The following LCP2 variants were observed in gnomAD, a reference collection of about 807,000 sequenced individuals.
LCP2 encodes lymphocyte cytosolic protein 2, also known as 76 kDa tyrosine phosphoprotein.
Under a neutral mutation model 74.5 loss-of-function variants are expected in LCP2, and 29 were observed. That is an observed-to-expected ratio of 0.39 (90% CI 0.29 to 0.53). The LOEUF (loss-of-function observed/expected upper bound fraction) is 0.53. Among genes scored for constraint, LCP2 ranks in the 20% least tolerant of loss-of-function variants. LCP2 has a pLI of 0.72. For missense variants in LCP2, 604 were observed against 634.6 expected, an observed-to-expected ratio of 0.95 and a Z score of 0.52; for synonymous variants, 228 against 229.5, an observed-to-expected ratio of 0.99 and a Z score of 0.06.
chr5:170,275,037 G>T (rs551908537), intron 5 of LCP2, among the ~76,000 whole-genome samples: 17 of 151,304 alleles, frequency 1.1e-4, no homozygotes, highest in Non-Finnish European at 2.4e-4. Context: ...TGCTCACTCA[G>T]AGGTGGGGTC....
chr5:170,275,463 G>T, intron 4 of LCP2, 112 bp from the exon 5 acceptor site: 2 of 1,214,488 alleles, frequency 1.6e-6, no homozygotes, highest in Non-Finnish European at 2.4e-6. Context: ...ATGTCTCACT[G>T]CTCAAGAGAG....
Position 170,270,881 on chromosome 5 carries a change from C to T in LCP2, c.361G>A (p.Asp121Asn), listed in dbSNP as rs1242525391. 1 of 1,612,984 alleles carries T rather than the reference C, an allele frequency of 6.2e-7. No individual in the cohort carries two copies. The highest frequency in any genetic ancestry group is 8.5e-7 in the Non-Finnish European group (1 of 1,179,430). ...DDYESPNDDQ[D>N]GEDDGDYESP... ...TCATAGTCTCCATCATCCTCCCCAT[C>T]CTGGTCATCATTGGGACTTTCATAA... Residue 121 changes from aspartate (D) to asparagine (N), a missense_variant, in exon 7 of 21, where the codon GAT becomes AAT. Coordinates refer to ENST00000046794, the MANE Select transcript of LCP2 (RefSeq NM_005565.5).
At chr5:170,275,418 C>G (rs377221051) in intron 4 of LCP2, 67 bp from the exon 5 acceptor site, 17 of 1,576,836 alleles carry the variant, frequency 1.1e-5, no homozygotes, top group Non-Finnish European at 1.5e-5. Flanking sequence ...CTTTCCTCAA[C>G]CTGGTCCAGC....
rs1194524493 is a variant in LCP2, at chr5:170,289,601, TTC to T, written c.142-1587_142-1586del. Among the ~76,000 whole-genome samples the T allele has an allele frequency of 7.3e-3, 1,061 of 146,072 alleles. 15 individuals are homozygous for T. The highest frequency in any genetic ancestry group is 0.026 in the African/African-American group (1,002 of 38,284). ...CTTCTTAACTACTCCTTTTCTTTCT[TTC>T]TTTCTTTCTTTCTTTTTCTTTCTTT... On this transcript the variant is annotated intron_variant, in intron 2 of 20. Transcript: ENST00000046794.
chr5:170,250,775 C>A lies in LCP2; in HGVS notation c.1434G>T (p.Lys478Asn). The stretch of plus-strand genomic sequence containing the variant: ...TTCCCAACAAGTAAACTTGACTTTC[C>A]TTCTGATAACGGATCTGGATGTTGT... Reference protein sequence around the residue: ...KVYNIQIRYQKESQVYLLGTG... With the variant: ...KVYNIQIRYQNESQVYLLGTG... The change falls in exon 20 of 21, where the codon AAG (lysine) becomes AAT (asparagine). Residue 478 changes from lysine to asparagine, a missense_variant. By Grantham distance (94) the Lys-to-Asn change is moderately conservative (BLOSUM62 0). Coordinates refer to ENST00000046794, the MANE Select transcript of LCP2 (RefSeq NM_005565.5). 6.2e-7 allele frequency: 1 copy of A among 1,613,188 alleles called. No individual in the cohort carries two copies.
rs1762205021 is a variant in LCP2 at position 170,287,606 on chromosome 5, T to C, written c.188+364A>G. ...GGCTCTCATTTTACTGTGTGAGAAA[T>C]GGAGGTCAAGAAAACTTAAGCCATC... On this transcript the variant is annotated intron_variant, in intron 3 of 20. Coordinates refer to ENST00000046794, the MANE Select transcript of LCP2 (RefSeq NM_005565.5). 4 of 279,484 alleles carry C rather than the reference T, an allele frequency of 1.4e-5. No homozygotes were observed. The South Asian group carries it at 1.5e-4, about 10-fold the overall frequency. The allele number at this position is 279,484 out of a possible 1,614,324, so 17.3% of individuals were successfully genotyped here.
intron 4 of LCP2, chr5:170,275,590 G>A (rs1006782936): frequency 1.6e-6 from 1 of 643,394 alleles, no homozygotes; most frequent in Non-Finnish European, 2.7e-6. Context: ...TGTAGAGGAA[G>A]TTCCCCTGAT....
intron 10 of LCP2, among the ~76,000 whole-genome samples, chr5:170,266,603 C>T (rs936980360): frequency 1.3e-5 from 2 of 152,202 alleles, no homozygotes; most frequent in African/African-American, 2.4e-5. Flanking sequence ...GTCGCTACTC[C>T]CAACACTTGG....
At chr5:170,273,532 G>A (rs569026302) in intron 6 of LCP2, among the ~76,000 whole-genome samples, 1 of 152,320 alleles carries the variant, frequency 6.6e-6, no homozygotes, top group Admixed American at 6.5e-5. Flanking sequence ...GTGACTGAGG[G>A]TCTGGTTACC....
At chr5:170,249,834 T>G (rs1761392611) in intron 20 of LCP2, among the ~76,000 whole-genome samples, 1 of 152,206 alleles carries the variant, frequency 6.6e-6, no homozygotes, top group African/African-American at 2.4e-5. Context: ...ACTAATCTGC[T>G]AGGTGCCTCC....
rs115409619 is a variant in LCP2 at position 170,249,831 on chromosome 5, T to A, written c.1479+899A>T. 5.2e-3 allele frequency among the ~76,000 whole-genome samples: 796 copies of A among 152,312 alleles called. 11 individuals carry two copies. Among genetic ancestry groups the A allele is most frequent in the African/African-American group, 0.018 (755 of 41,570 alleles). ...TAATGCACTTCCTTTAAGACTAATC[T>A]GCTAGGTGCCTCCCTCCATGGGAGC... On this transcript the variant is annotated intron_variant, in intron 20 of 20. Coordinates refer to ENST00000046794, the MANE Select transcript of LCP2 (RefSeq NM_005565.5).
intron 1 of LCP2, among the ~76,000 whole-genome samples, chr5:170,296,140 C>T (rs186937536): frequency 1.3e-5 from 2 of 152,298 alleles, no homozygotes; most frequent in East Asian, 3.9e-4. Flanking sequence ...TTTATTCCCT[C>T]TTGGCAAATT....
At chr5:170,270,983 C>T in intron 6 of LCP2, 66 bp from the exon 7 acceptor site, 1 of 1,371,472 alleles carries the variant, frequency 7.3e-7, no homozygotes, top group Non-Finnish European at 9.9e-7. Context: ...GTGCCTGTGC[C>T]TACTCTCTCC....
At chr5:170,249,995 C>G (rs1761396339) in intron 20 of LCP2, among the ~76,000 whole-genome samples, 2 of 152,116 alleles carry the variant, frequency 1.3e-5, no homozygotes, top group Non-Finnish European at 2.9e-5. Context: ...TGATCACAAG[C>G]ATGCATTTTT....
Position 170,248,586 on chromosome 5 carries a change from C to T in LCP2, c.*111G>A. 2 of 1,123,204 alleles carry T rather than the reference C, an allele frequency of 1.8e-6. No individual in the cohort carries two copies. The highest frequency in any genetic ancestry group is 2.6e-6 in the Non-Finnish European group (2 of 765,334). The allele number at this position is 1,123,204 out of a possible 1,614,324, so 69.6% of individuals were successfully genotyped here. A position where few individuals can be genotyped will look rare whatever the true frequency, so the allele number is the denominator to read the frequency against. ...AAGGAAAGGATAAAACCCTTGTGTTCATGGGGAGGGGTTCAGTTCAGTCCT... is the reference window on the plus strand; with the variant it reads ...AAGGAAAGGATAAAACCCTTGTGTTTATGGGGAGGGGTTCAGTTCAGTCCT... On this transcript the variant is annotated 3_prime_UTR_variant, in exon 21 of 21. Transcript: ENST00000046794.
chr5:170,257,387 G>T (rs1356250457), intron 16 of LCP2, among the ~76,000 whole-genome samples: 1 of 152,194 alleles, frequency 6.6e-6, no homozygotes, highest in Non-Finnish European at 1.5e-5. Flanking sequence ...GATGAGTCTT[G>T]TGGGTGGTTG....
intron 13 of LCP2, 30 bp downstream of exon 13, chr5:170,262,605 T>C (rs776118127): frequency 1.3e-6 from 2 of 1,544,184 alleles, no homozygotes; most frequent in Non-Finnish European, 1.8e-6. Context: ...CCACTGTGAG[T>C]GACAAGCTCA....
rs1761289592 is a variant in LCP2 at position 170,246,286 on chromosome 5, C to T, written c.*2411G>A. 3 of 546,890 alleles carry T rather than the reference C, an allele frequency of 5.5e-6. No homozygotes were observed. Among genetic ancestry groups the T allele is most frequent in the Non-Finnish European group, 9.3e-6 (3 of 323,068 alleles). 33.9% of individuals were successfully genotyped at this position (546,890 alleles called of 1,614,324 possible). A position where few individuals can be genotyped will look rare whatever the true frequency, so the allele number is the denominator to read the frequency against. On this transcript the variant is annotated 3_prime_UTR_variant, in exon 21 of 21. Coordinates refer to ENST00000046794, the MANE Select transcript of LCP2 (RefSeq NM_005565.5). The stretch of plus-strand genomic sequence containing the variant: ...TTGAAGAATGGCTTAACTTACGTCA[C>T]TAATGGCAAGTGTATGACATAGGAA...
chr5:170,262,628 C>A lies in LCP2; in HGVS notation c.926+7G>T. 1 of 1,601,984 alleles carries A rather than the reference C, an allele frequency of 6.2e-7. No homozygotes were observed. Among genetic ancestry groups the A allele is most frequent in the Non-Finnish European group, 8.5e-7 (1 of 1,170,230 alleles). Reference sequence around the variant, plus strand: ...AGTGACAAGCTCAAGCAACACCAGACAATTACTTTGGCACAGGTGGCTTCT... The same window carrying A: ...AGTGACAAGCTCAAGCAACACCAGAAAATTACTTTGGCACAGGTGGCTTCT... On this transcript the variant is annotated splice_region_variant and intron_variant, in intron 13 of 20. Transcript: ENST00000046794.
Sources: gnomAD v4.1 joint callset for allele counts (sites outside exome capture counted in the v4.1 genomes callset) on GRCh38, gnomAD v4.1.1 for gene constraint, MANE v1.5 for transcripts, NCBI Gene and HGNC (gene_info 2026-07-23, HGNC 2026-07-21) for gene names.